MYOZ1: variants seen among roughly 807,000 people sequenced by gnomAD.
MYOZ1 encodes myozenin 1, also known as myozenin-1.
MYOZ1 carries 20 observed loss-of-function variants against 28.7 expected under a neutral mutation model. The observed-to-expected ratio is 0.70, with a 90% CI of 0.49 to 1.01. The LOEUF is 1.01. Among genes scored for constraint, MYOZ1 ranks in the 50% least tolerant of loss-of-function variants. The pLI, the probability that MYOZ1 is intolerant of heterozygous loss-of-function variation, is 0.00. For synonymous variants in MYOZ1, 144 were observed against 145.8 expected, an observed-to-expected ratio of 0.99 and a Z score of 0.09; for missense variants, 371 against 372.4, an observed-to-expected ratio of 1.00 and a Z score of 0.03.
chr10:73,634,425 T>C, intron 4 of MYOZ1, 59 bp downstream of exon 4: 1 of 1,597,044 alleles, frequency 6.3e-7, no homozygotes, highest in East Asian at 2.2e-5. Context: ...GTAGACATCA[T>C]TCCTGGGACA....
At chr10:73,640,979 C>A (rs1296511273) in intron 1 of MYOZ1, among the ~76,000 whole-genome samples, 3 of 152,030 alleles carry the variant, frequency 2.0e-5, no homozygotes, top group Non-Finnish European at 1.5e-5. Flanking sequence ...AATCCCGACA[C>A]GTCAATTCAG....
rs1344712896 is a variant in MYOZ1, at chr10:73,633,760, C to T, written c.668+140G>A. 15 of 922,458 alleles carry T rather than the reference C, an allele frequency of 1.6e-5. No homozygotes were observed. The African/African-American group carries it at 1.9e-4, about 11-fold the overall frequency. 57.1% of individuals were successfully genotyped at this position (922,458 alleles called of 1,614,324 possible). On this transcript the variant is annotated intron_variant, in intron 5 of 5. Transcript: ENST00000359322. ...TGAAGCTGAGATAGAGTGAAAAGAG[C>T]AGGGCCTTTGATTAGGACCCCCATA...
At chr10:73,634,158 G>A (rs1250395739) in intron 4 of MYOZ1, 93 bp from the exon 5 acceptor site, 2 of 1,405,250 alleles carry the variant, frequency 1.4e-6, no homozygotes, top group African/African-American at 1.4e-5. Context: ...GAAATTGCAA[G>A]AGCCAGGGAC....
chr10:73,637,132 C>G (rs932685971), intron 3 of MYOZ1, among the ~76,000 whole-genome samples: 2 of 151,362 alleles, frequency 1.3e-5, no homozygotes, highest in East Asian at 3.9e-4. Flanking sequence ...CCTGCCTCAG[C>G]CTCCTGAGTA....
chr10:73,633,834 C>G (rs554860825), intron 5 of MYOZ1, 66 bp downstream of exon 5: 1 of 1,491,950 alleles, frequency 6.7e-7, no homozygotes, highest in African/African-American at 1.4e-5. Context: ...GAATTAGTCT[C>G]CATCCTAACT....
In MYOZ1 at chr10:73,637,878, C is replaced by T; in HGVS notation, c.118G>A (p.Val40Ile). ...SGLNLGKKIS[V>I]PRDVMLEELS... The stretch of plus-strand genomic sequence containing the variant: ...TCCTCCAACATCACATCCCTTGGGA[C>T]ACTGATCTTTTTGCCCAGGTTCAAG... The change falls in exon 3 of 6, where the codon GTC becomes ATC. Residue 40 changes from valine to isoleucine, a missense_variant. Physicochemically the swap from Val to Ile is conservative, Grantham distance 29 (BLOSUM62 3). Transcript: ENST00000359322. The T allele has an allele frequency of 6.2e-7, 1 of 1,614,086 alleles. No individual in the cohort carries two copies. Among genetic ancestry groups the T allele is most frequent in the Non-Finnish European group, 8.5e-7 (1 of 1,180,020 alleles).
Position 73,639,997 on chromosome 10 carries a change from C to T in MYOZ1, c.21G>A (p.Pro7=), listed in dbSNP as rs775936354. 7.4e-6 allele frequency: 12 copies of T among 1,613,758 alleles called. No individual in the cohort carries two copies. In the East Asian group the frequency reaches 8.9e-5, roughly 12 times the overall value. ...TGGATTTCCTCTTCTTATTAGGGGCCGGGGTTCCTGAGAGCGGCATTGTGG... is the reference window on the plus strand; with the variant it reads ...TGGATTTCCTCTTCTTATTAGGGGCTGGGGTTCCTGAGAGCGGCATTGTGG... MPLSGT[P]APNKKRKSSK... The change falls in exon 2 of 6, where the codon CCG becomes CCA. Residue 7 remains proline (P), a synonymous_variant. Coordinates refer to ENST00000359322, the MANE Select transcript of MYOZ1 (RefSeq NM_021245.4).
rs56801610 is a variant in MYOZ1, at chr10:73,638,292, C to CATAT, written c.74-374_74-371dup. Reference sequence around the variant, plus strand: ...TTGTGTGGAGTCCAAATACAGATGCCATATATATATATATATATATATTTG... The same window carrying CATAT: ...TTGTGTGGAGTCCAAATACAGATGCCATATATATATATATATATATATATATTTG... On this transcript the variant is annotated intron_variant, in intron 2 of 5. Transcript: ENST00000359322. Among the ~76,000 whole-genome samples the CATAT allele has an allele frequency of 7.4e-3, 1,058 of 143,224 alleles. 5 individuals carry two copies. The highest frequency in any genetic ancestry group is 0.017 in the African/African-American group (658 of 39,224). The allele number at this position is 143,224 out of a possible 152,430, so 94.0% of individuals were successfully genotyped here. A position where few individuals can be genotyped will look rare whatever the true frequency, so the allele number is the denominator to read the frequency against.
intron 3 of MYOZ1, 22 bp downstream of exon 3, chr10:73,637,722 A>T (rs1238937580): frequency 1.6e-5 from 26 of 1,595,198 alleles, no homozygotes; most frequent in Non-Finnish European, 2.1e-5. Context: ...GCTTTGAGAT[A>T]GTGATAAAGT....
At chr10:73,634,946 CAG>C (rs1222240676) in intron 3 of MYOZ1, among the ~76,000 whole-genome samples, 1 of 152,074 alleles carries the variant, frequency 6.6e-6, no homozygotes, top group Non-Finnish European at 1.5e-5. Context: ...TTTTTTTAGA[CAG>C]AGTTTCGCCC....
intron 3 of MYOZ1, among the ~76,000 whole-genome samples, chr10:73,636,052 G>GCTCAGCACTTTTACT (rs2081665454): frequency 6.6e-6 from 1 of 152,110 alleles, no homozygotes; most frequent in Non-Finnish European, 1.5e-5. Flanking sequence ...GATATGAGCA[G>GCTCAGCACTTTTACT]CTCAGCACTT....
chr10:73,632,181 TTTAA>T lies in MYOZ1; in HGVS notation c.669-24_669-21del. On this transcript the variant is annotated intron_variant, in intron 5 of 5. Transcript: ENST00000359322. ...GCCGTCCTGAGAAGGGGACACATTA[TTTAA>T]TTAAGAATCAGAATAAAAGAAACAG... The T allele has an allele frequency of 6.3e-7, 1 of 1,596,170 alleles. No homozygotes were observed. The highest frequency in any genetic ancestry group is 8.6e-7 in the Non-Finnish European group (1 of 1,164,028).
chr10:73,635,870 T>TG (rs1274339366), intron 3 of MYOZ1, among the ~76,000 whole-genome samples: 2 of 152,116 alleles, frequency 1.3e-5, no homozygotes, highest in East Asian at 1.9e-4. Flanking sequence ...CTGTAGCAGG[T>TG]GGGGGGAAGT....
chr10:73,634,543 G>T lies in MYOZ1; in HGVS notation c.443C>A (p.Ala148Glu). Residue 148 changes from alanine (A) to glutamate (E), a missense_variant, in exon 4 of 6, where the codon GCG (alanine) becomes GAG (glutamate). Transcript: ENST00000359322. ...AGCTCCTCCTCTGCCAGCCTGGCCC[G>T]CGGGACCACCTGTACCCCCAGCTCC... ...GSGAGGTGGP[A>E]GQAGRGGAAG... 4 of 1,613,994 alleles carry T rather than the reference G, an allele frequency of 2.5e-6. No individual in the cohort carries two copies. Among genetic ancestry groups the T allele is most frequent in the Non-Finnish European group, 3.4e-6 (4 of 1,179,982 alleles).
intron 4 of MYOZ1, 131 bp from the exon 5 acceptor site, chr10:73,634,196 T>C: frequency 8.7e-7 from 1 of 1,148,676 alleles, no homozygotes; most frequent in Non-Finnish European, 1.2e-6. Flanking sequence ...GGTAATTGTA[T>C]AAGGTTTGTG....
chr10:73,631,811 CCTTTT>C lies in MYOZ1; in HGVS notation c.*114_*118del. On this transcript the variant is annotated 3_prime_UTR_variant, in exon 6 of 6. Coordinates refer to ENST00000359322, the MANE Select transcript of MYOZ1 (RefSeq NM_021245.4). ...GTAAAGGATGGAAAGGTAGATCTCT[CCTTTT>C]TCCCTCCATTCCCATAAGGATACTG... is the stretch of plus-strand genomic sequence containing the variant. 2.3e-6 allele frequency: 2 copies of C among 867,878 alleles called. No individual in the cohort carries two copies. Among genetic ancestry groups the C allele is most frequent in the Admixed American group, 2.4e-5 (1 of 40,888 alleles). The allele number at this position is 867,878 out of a possible 1,614,324, so 53.8% of individuals were successfully genotyped here. A position where few individuals can be genotyped will look rare whatever the true frequency, so the allele number is the denominator to read the frequency against.
intron 3 of MYOZ1, among the ~76,000 whole-genome samples, chr10:73,635,202 G>C (rs1239270042): frequency 6.6e-6 from 1 of 152,006 alleles, no homozygotes; most frequent in African/African-American, 2.4e-5. Flanking sequence ...GGGATTACAG[G>C]CGTTAGCCAC....
chr10:73,631,747 T>C lies in MYOZ1; in HGVS notation c.*183A>G, dbSNP rs2081636064. Reference sequence around the variant, plus strand: ...TATGGAGCAAGTAGAAGGGGAGCTCTGAGTTGGTGAGGAAGGATGCGTGGA... The same window carrying C: ...TATGGAGCAAGTAGAAGGGGAGCTCCGAGTTGGTGAGGAAGGATGCGTGGA... On this transcript the variant is annotated 3_prime_UTR_variant, in exon 6 of 6. Coordinates refer to ENST00000359322, the MANE Select transcript of MYOZ1 (RefSeq NM_021245.4). The C allele has an allele frequency of 3.4e-6, 2 of 591,954 alleles. No homozygotes were observed. Among genetic ancestry groups the C allele is most frequent in the Non-Finnish European group, 6.0e-6 (2 of 335,608 alleles). The allele number at this position is 591,954 out of a possible 1,614,324, so 36.7% of individuals were successfully genotyped here. A position where few individuals can be genotyped will look rare whatever the true frequency, so the allele number is the denominator to read the frequency against.
At chr10:73,638,393 C>T (rs927506818) in intron 2 of MYOZ1, among the ~76,000 whole-genome samples, 4 of 150,928 alleles carry the variant, frequency 2.7e-5, no homozygotes, top group Non-Finnish European at 5.9e-5. Context: ...AGTGGAATGG[C>T]GCGATCTCAG....
Sources: allele counts gnomAD v4.1 joint callset (sites outside exome capture counted in the v4.1 genomes callset), GRCh38; gene constraint gnomAD v4.1.1; transcripts MANE v1.5; gene names NCBI Gene and HGNC (gene_info 2026-07-23, HGNC 2026-07-21).